The following GREB1 variants were observed in gnomAD, a reference collection of about 807,000 sequenced individuals.
GREB1 encodes the protein growth regulating estrogen receptor binding 1.
A neutral mutation model predicts 200.7 loss-of-function variants in GREB1; 106 were observed. The ratio of observed to expected loss-of-function variants is 0.53; its 90% confidence interval spans 0.45 to 0.62. The LOEUF (loss-of-function observed/expected upper bound fraction) is 0.62. Ranked by LOEUF, GREB1 falls within the 20% of genes least tolerant of loss-of-function variation. GREB1 has a pLI of 0.00. For missense variants in GREB1, 2,243 were observed against 2,556.8 expected (o/e 0.88, Z 2.65); for synonymous variants, 1,132 against 1,092.4 (o/e 1.04, Z -0.72).
intron 23 of GREB1, among the ~76,000 whole-genome samples, chr2:11,621,249 C>T (rs997562541): frequency 5.3e-5 from 8 of 152,114 alleles, no homozygotes; most frequent in Non-Finnish European, 8.8e-5. Flanking sequence ...ACATGTGGAG[C>T]GCTGACCTAG....
In GREB1 at chr2:11,603,460, G is replaced by A. The variant is rs535195345; in HGVS notation, c.2666+918G>A. ...GCATAAAGGGGTTCCATGGTCAAAC[G>A]TGTCTGAGAAACATTTAAGGAAAGG... On this transcript the variant is annotated intron_variant, in intron 17 of 32. Transcript: ENST00000381486. Among the ~76,000 whole-genome samples the A allele has an allele frequency of 5.9e-5, 9 of 152,302 alleles. No individual in the cohort carries two copies. In the South Asian group the frequency reaches 1.7e-3, roughly 28 times the overall value.
intron 24 of GREB1, among the ~76,000 whole-genome samples, chr2:11,625,864 T>A (rs1684406164): frequency 6.6e-6 from 1 of 152,192 alleles, no homozygotes; most frequent in East Asian, 1.9e-4. Context: ...AAAAGAGGCT[T>A]AATTGACTCA....
intron 1 of GREB1, among the ~76,000 whole-genome samples, chr2:11,489,437 C>T (rs530255369): frequency 1.1e-4 from 17 of 152,072 alleles, no homozygotes; most frequent in African/African-American, 3.9e-4. Context: ...CTGACCTGGG[C>T]GAGAGAGCCA....
In GREB1 at chr2:11,492,132, C is replaced by T. The variant is rs549799514; in HGVS notation, c.-159+9751C>T. Among the ~76,000 whole-genome samples the T allele has an allele frequency of 4.1e-4, 62 of 152,288 alleles. No homozygotes were observed. Among genetic ancestry groups the T allele is most frequent in the African/African-American group, 1.4e-3 (57 of 41,546 alleles). ...GACTCCCTGCCTGGCTACCATGCAT[C>T]GTTTCCATGGTCATTTAACGTGGCA... On this transcript the variant is annotated intron_variant, in intron 1 of 2. Coordinates refer to the GREB1 transcript ENST00000628795. The surrounding 1 kb of genome is among the most constrained non-coding windows in gnomAD (Gnocchi z 4.0).
At chr2:11,623,549 T>TA (rs1414194332) in intron 23 of GREB1, among the ~76,000 whole-genome samples, 1 of 152,158 alleles carries the variant, frequency 6.6e-6, no homozygotes, top group African/African-American at 2.4e-5. Context: ...CCTGATGCTG[T>TA]AAAGGCTGGG....
Position 11,592,860 on chromosome 2 carries a change from A to G in GREB1, c.1430A>G (p.Gln477Arg), listed in dbSNP as rs1680872995. 2 of 1,600,046 alleles carry G rather than the reference A, an allele frequency of 1.2e-6. No individual in the cohort carries two copies. The highest frequency in any genetic ancestry group is 1.7e-6 in the Non-Finnish European group (2 of 1,175,456). ...WRESHLTEIRQYQQAPPQPFP... is the reference protein window; with the variant it reads ...WRESHLTEIRRYQQAPPQPFP... ...GAGTCGCACCTGACCGAGATCCGGCAGTACCAGCAGGCGCCGCCGCAGCCC... is the reference window on the plus strand; with the variant it reads ...GAGTCGCACCTGACCGAGATCCGGCGGTACCAGCAGGCGCCGCCGCAGCCC... Residue 477 changes from glutamine to arginine, a missense_variant, in exon 11 of 33, where the codon CAG (glutamine) becomes CGG (arginine). Gln to Arg is a conservative substitution (Grantham distance 43). Around this residue, in one of 3 missense-constraint regions of GREB1, gnomAD observed 1,178 missense variants for 1,387.4 expected, o/e 0.85. Transcript: ENST00000381486.
chr2:11,558,381 C>T (rs376696062), intron 2 of GREB1, among the ~76,000 whole-genome samples: 8 of 152,178 alleles, frequency 5.3e-5, no homozygotes, highest in African/African-American at 1.9e-4. Flanking sequence ...TCAGGGTGCC[C>T]TTATCTGCTG....
intron 1 of GREB1, among the ~76,000 whole-genome samples, chr2:11,550,192 G>C (rs1178030300): frequency 6.6e-6 from 1 of 152,104 alleles, no homozygotes; most frequent in East Asian, 1.9e-4. Flanking sequence ...ACTCCAGTCT[G>C]GGAAACAAGA....
intron 3 of GREB1, 74 bp downstream of exon 3, chr2:11,562,656 G>A: frequency 6.8e-7 from 1 of 1,475,424 alleles, no homozygotes; most frequent in Non-Finnish European, 9.1e-7. Flanking sequence ...CGGGTGACTG[G>A]GCCTGTGACT....
At chr2:11,508,535 T>C (rs1673247388) in intron 1 of GREB1, among the ~76,000 whole-genome samples, 1 of 152,194 alleles carries the variant, frequency 6.6e-6, no homozygotes, top group African/African-American at 2.4e-5. Flanking sequence ...CTGACATCTT[T>C]GCCTGGCCAC....
rs768359622 is a variant in GREB1, at chr2:11,578,397, G to A, written c.738G>A (p.Thr246=). The change falls in exon 6 of 33, where the codon ACG becomes ACA. Residue 246 remains threonine (T), a synonymous_variant. Transcript: ENST00000381486. ...AAFPSEPVPG[T]NPSILMGAQQ... is the part of the protein sequence containing the mutation. ...TCCCCAGCGAGCCCGTTCCTGGGAC[G>A]AACCCCAGCATCCTGATGGGAGCTC... is the stretch of plus-strand genomic sequence containing the variant. 33 of 1,613,856 alleles carry A rather than the reference G, an allele frequency of 2.0e-5. No individual in the cohort carries two copies. The South Asian group carries it at 2.7e-4, about 13-fold the overall frequency.
intron 6 of GREB1, 117 bp downstream of exon 6, chr2:11,578,548 T>G: frequency 9.6e-7 from 1 of 1,041,228 alleles, no homozygotes; most frequent in Non-Finnish European, 1.4e-6. Flanking sequence ...GGCTGTTATC[T>G]TTTTCTATAA....
chr2:11,600,946 C>A lies in GREB1; in HGVS notation c.2480C>A (p.Thr827Asn). The change falls in exon 16 of 33, where the codon ACC (threonine) becomes AAC (asparagine). Residue 827 changes from threonine (T) to asparagine (N), a missense_variant. This residue lies in a region of GREB1 where 1,178 missense variants were observed against 1,387.4 expected (regional missense o/e 0.85). Coordinates refer to ENST00000381486, the MANE Select transcript of GREB1 (RefSeq NM_014668.4). Reference sequence around the variant, plus strand: ...CCGTATGCACTGCAGACACAGCACACCCTCATCAGCCCCTACAACGAGATC... The same window carrying A: ...CCGTATGCACTGCAGACACAGCACAACCTCATCAGCCCCTACAACGAGATC... ...SFPYALQTQH[T>N]LISPYNEIHW... The A allele has an allele frequency of 6.2e-7, 1 of 1,614,000 alleles. No individual in the cohort carries two copies. The highest frequency in any genetic ancestry group is 8.5e-7 in the Non-Finnish European group (1 of 1,179,862).
chr2:11,537,907 G>A (rs78558813), intron 1 of GREB1, among the ~76,000 whole-genome samples: 33 of 152,000 alleles, frequency 2.2e-4, no homozygotes, highest in Non-Finnish European at 4.6e-4. Flanking sequence ...TATCCTAAGT[G>A]TGTCTGCATC....
At chr2:11,564,238 T>G (rs1677389706) in intron 3 of GREB1, among the ~76,000 whole-genome samples, 1 of 152,184 alleles carries the variant, frequency 6.6e-6, no homozygotes, top group Non-Finnish European at 1.5e-5. Context: ...GGACTGGACT[T>G]GACCCTGAGC....
At chr2:11,564,025 A>T (rs1677364408) in intron 3 of GREB1, among the ~76,000 whole-genome samples, 1 of 152,182 alleles carries the variant, frequency 6.6e-6, no homozygotes, top group Admixed American at 6.5e-5. Context: ...AGTACGAGTC[A>T]GCCAGGAGAC....
At chr2:11,494,906 A>G (rs1188207916) in intron 1 of GREB1, among the ~76,000 whole-genome samples, 1 of 152,200 alleles carries the variant, frequency 6.6e-6, no homozygotes, top group Non-Finnish European at 1.5e-5. Context: ...TAGTGTCATC[A>G]TCACCCATGA....
chr2:11,495,796 G>GTTTT (rs71393887), intron 1 of GREB1, among the ~76,000 whole-genome samples: 3 of 137,008 alleles, frequency 2.2e-5, no homozygotes, highest in Non-Finnish European at 3.1e-5. Context: ...AAGTCCCCCC[G>GTTTT]TTTTTTTTTT....
chr2:11,591,415 G>A lies in GREB1; in HGVS notation c.1346-1361G>A, dbSNP rs189034221. On this transcript the variant is annotated intron_variant, in intron 10 of 32. Coordinates refer to ENST00000381486, the MANE Select transcript of GREB1 (RefSeq NM_014668.4). Reference sequence around the variant, plus strand: ...TTCCAGCACATCAAATACGAAATCCGGACGTATAAACCAGACAATTCATAA... The same window carrying A: ...TTCCAGCACATCAAATACGAAATCCAGACGTATAAACCAGACAATTCATAA... 2.7e-4 allele frequency: 197 copies of A among 730,428 alleles called. 2 individuals are homozygous for A. Among genetic ancestry groups the A allele is most frequent in the Admixed American group, 9.6e-4 (49 of 51,068 alleles). The allele number at this position is 730,428 out of a possible 1,614,324, so 45.2% of individuals were successfully genotyped here. A position where few individuals can be genotyped will look rare whatever the true frequency, so the allele number is the denominator to read the frequency against.
Sources: allele counts gnomAD v4.1 joint callset (sites outside exome capture counted in the v4.1 genomes callset), GRCh38; gene constraint gnomAD v4.1.1; regional missense constraint gnomAD v4.1.1; non-coding constraint Gnocchi (gnomAD v3.1); transcripts MANE v1.5; gene names NCBI Gene and HGNC (gene_info 2026-07-23, HGNC 2026-07-21).